RCC1L: variants seen among roughly 807,000 people sequenced by gnomAD.
The protein encoded by RCC1L is RCC1-like G exchanging factor-like protein.
In RCC1L, 46 loss-of-function variants were observed where a neutral mutation model predicts 58.6. The ratio of observed to expected loss-of-function variants is 0.79; its 90% CI spans 0.62 to 1.00. The LOEUF is 1.00. Among genes scored for constraint, RCC1L ranks in the 50% least tolerant of loss-of-function variants. RCC1L has a pLI of 0.00. For synonymous variants in RCC1L, 281 were observed against 262.9 expected (o/e 1.07, Z -0.67); for missense variants, 636 against 623.6 (o/e 1.02, Z -0.21).
intron 2 of RCC1L, among the ~76,000 whole-genome samples, chr7:75,070,201 T>C (rs903165163): frequency 6.6e-6 from 1 of 152,220 alleles, no homozygotes; most frequent in African/African-American, 2.4e-5. Context: ...CTAGCCCAGA[T>C]GGTTTCAAAC....
At chr7:75,069,402 C>T (rs1382292257) in intron 2 of RCC1L, among the ~76,000 whole-genome samples, 2 of 151,086 alleles carry the variant, frequency 1.3e-5, no homozygotes, top group Admixed American at 6.6e-5. Context: ...GACAGAGTCT[C>T]GCTATGTTGC....
At chr7:75,030,640 G>T (rs1805277185) in intron 10 of RCC1L, among the ~76,000 whole-genome samples, 1 of 152,162 alleles carries the variant, frequency 6.6e-6, no homozygotes, top group Admixed American at 6.5e-5. Flanking sequence ...CAACCCACAG[G>T]GCTGCTTGAG....
chr7:75,030,774 C>G (rs1292807423), intron 10 of RCC1L, among the ~76,000 whole-genome samples: 1 of 152,208 alleles, frequency 6.6e-6, no homozygotes, highest in Non-Finnish European at 1.5e-5. Flanking sequence ...CCACCATGCT[C>G]TGGTTTGATA....
At chr7:75,027,805 G>A in exon 11 of RCC1L, 1 of 603,670 alleles carries the variant, frequency 1.7e-6, no homozygotes, top group Non-Finnish European at 2.9e-6. Context: ...TCTGTGTGTA[G>A]CGTAGTCTTG....
intron 2 of RCC1L, among the ~76,000 whole-genome samples, chr7:75,069,846 G>T (rs1361747370): frequency 6.6e-6 from 1 of 151,060 alleles, no homozygotes; most frequent in Admixed American, 6.6e-5. Flanking sequence ...ATTACAGGCT[G>T]CCCTCCTCGG....
intron 6 of RCC1L, among the ~76,000 whole-genome samples, chr7:75,059,026 A>AG (rs1806183028): frequency 6.7e-6 from 1 of 150,202 alleles, no homozygotes; most frequent in African/African-American, 2.4e-5. Context: ...AAAAAAAAAA[A>AG]AAAAAATTAC....
chr7:75,046,413 C>T (rs1467570485), intron 10 of RCC1L, among the ~76,000 whole-genome samples: 1 of 152,208 alleles, frequency 6.6e-6, no homozygotes, highest in East Asian at 1.9e-4. Context: ...CACGGCTGCA[C>T]TTAAGCCCCC....
Position 75,042,387 on chromosome 7 carries a change from G to A in RCC1L, c.*645C>T. ...GGAACTTGGCCTCGATTCTCTTCCT[G>A]AGGGGCTTCTTAACTTTTCCAAGCC... On this transcript the variant is annotated 3_prime_UTR_variant, in exon 11 of 11. Coordinates refer to ENST00000610322, the MANE Select transcript of RCC1L (RefSeq NM_030798.5). 1 of 986,014 alleles carries A rather than the reference G, an allele frequency of 1.0e-6. No individual in the cohort carries two copies. The highest frequency in any genetic ancestry group is 1.2e-6 in the Non-Finnish European group (1 of 830,350). 61.1% of individuals were successfully genotyped at this position (986,014 alleles called of 1,614,324 possible). A position where few individuals can be genotyped will look rare whatever the true frequency, so the allele number is the denominator to read the frequency against.
intron 10 of RCC1L, among the ~76,000 whole-genome samples, chr7:75,046,003 C>A (rs1805708837): frequency 6.6e-6 from 1 of 152,358 alleles, no homozygotes; most frequent in South Asian, 2.1e-4. Flanking sequence ...GTGGAGTTTA[C>A]CGAGCTTAAG....
At chr7:75,056,286 G>A (rs1806079407) in intron 8 of RCC1L, among the ~76,000 whole-genome samples, 1 of 151,972 alleles carries the variant, frequency 6.6e-6, no homozygotes, top group African/African-American at 2.4e-5. Context: ...TCTTGCTGGG[G>A]GAGTCTGTCT....
In RCC1L at chr7:75,052,786, C is replaced by G; in HGVS notation, c.1242G>C (p.Glu414Asp). The G allele has an allele frequency of 5.0e-6, 8 of 1,613,042 alleles. No homozygotes were observed. Among genetic ancestry groups the G allele is most frequent in the Non-Finnish European group, 6.8e-6 (8 of 1,179,640 alleles). Reference sequence around the variant, plus strand: ...GGATGTTCTTGCCCCATACAAACAGCTCTCCTTTGTCTGCAAAGGGAGGAA... The same window carrying G: ...GGATGTTCTTGCCCCATACAAACAGGTCTCCTTTGTCTGCAAAGGGAGGAA... ...SHFAALTNKG[E>D]LFVWGKNIRG... The change falls in exon 10 of 11, where the codon GAG becomes GAC. Residue 414 changes from glutamate (E) to aspartate (D), a missense_variant. Glu to Asp is a conservative substitution (Grantham distance 45). Coordinates refer to ENST00000610322, the MANE Select transcript of RCC1L (RefSeq NM_030798.5).
In RCC1L at chr7:75,063,353, G is replaced by C. The variant is rs1051619313; in HGVS notation, c.651-10C>G. On this transcript the variant is annotated splice_polypyrimidine_tract_variant and intron_variant, in intron 4 of 10. Coordinates refer to ENST00000610322, the MANE Select transcript of RCC1L (RefSeq NM_030798.5). ...GACTCTGTGACTTTCACTACAGCCA[G>C]GAACAAATTGGGAAGAAGCAAGGGA... is the stretch of plus-strand genomic sequence containing the variant. The C allele has an allele frequency of 5.0e-6, 8 of 1,613,640 alleles. No individual in the cohort carries two copies. The African/African-American group carries it at 1.1e-4, about 22-fold the overall frequency.
chr7:75,030,767 C>G (rs2131965630), intron 10 of RCC1L, among the ~76,000 whole-genome samples: 1 of 152,316 alleles, frequency 6.6e-6, no homozygotes. Context: ...GTTGCCTCCA[C>G]CATGCTCTGG....
chr7:75,032,703 A>C (rs1488585461), intron 10 of RCC1L, among the ~76,000 whole-genome samples: 2 of 152,132 alleles, frequency 1.3e-5, no homozygotes, highest in African/African-American at 4.8e-5. Flanking sequence ...CCCTGAGCCC[A>C]AGAGAGTTCT....
intron 10 of RCC1L, among the ~76,000 whole-genome samples, chr7:75,051,434 C>T (rs1225239837): frequency 6.6e-6 from 1 of 150,446 alleles, no homozygotes; most frequent in Non-Finnish European, 1.5e-5. Flanking sequence ...TTTTTTGAGA[C>T]ACAGTCTCCC....
rs1010248088 is a variant in RCC1L, at chr7:75,057,561, G to A, written c.1025C>T (p.Ala342Val). Residue 342 changes from alanine (A) to valine (V), a missense_variant, in exon 8 of 11, where the codon GCA (alanine) becomes GTA (valine). Ala to Val is a moderately conservative substitution (Grantham distance 64). Coordinates refer to ENST00000610322, the MANE Select transcript of RCC1L (RefSeq NM_030798.5). The stretch of plus-strand genomic sequence containing the variant: ...CACTGCACAGCCCGTGCCACCGCAT[G>A]CAGCCTGTCGCACCTTCCCCACTCC... ...FSGVGKVRQA[A>V]CGGTGCAVLN... 56 of 1,613,942 alleles carry A rather than the reference G, an allele frequency of 3.5e-5. No individual in the cohort carries two copies. The African/African-American group carries it at 4.5e-4, about 13-fold the overall frequency.
chr7:75,051,385 CAT>C (rs1419305439), intron 10 of RCC1L, among the ~76,000 whole-genome samples: 2 of 149,548 alleles, frequency 1.3e-5, no homozygotes, highest in Non-Finnish European at 1.5e-5. Context: ...TATATACACA[CAT>C]ATATATATAC....
chr7:75,055,166 A>G (rs1806036964), intron 9 of RCC1L, among the ~76,000 whole-genome samples: 1 of 152,252 alleles, frequency 6.6e-6, no homozygotes, highest in Non-Finnish European at 1.5e-5. Flanking sequence ...GCAAGGAAAT[A>G]ACTAATTTAC....
intron 5 of RCC1L, 144 bp downstream of exon 5, chr7:75,063,148 C>T: frequency 1.1e-6 from 1 of 923,380 alleles, no homozygotes; most frequent in South Asian, 1.4e-5. Context: ...AAATCCTGGC[C>T]TATAGTAAGT....
Sources: gnomAD v4.1 joint callset for allele counts (sites outside exome capture counted in the v4.1 genomes callset) on GRCh38, gnomAD v4.1.1 for gene constraint, MANE v1.5 for transcripts, NCBI Gene and HGNC (gene_info 2026-07-23, HGNC 2026-07-21) for gene names.